Variants in RBM47 observed in about 807,000 individuals in gnomAD.
RBM47 encodes RNA-binding protein 47.
In RBM47, 21 loss-of-function variants were observed where a neutral mutation model predicts 47.1. The observed-to-expected ratio is 0.45, with a 90% CI of 0.32 to 0.64. The LOEUF is 0.64. Ranked by LOEUF, RBM47 falls within the 30% of genes least tolerant of loss-of-function variation. RBM47 has a pLI of 0.05. For missense variants in RBM47, 708 were observed against 870.9 expected, an observed-to-expected ratio of 0.81 and a Z score of 2.35; for synonymous variants, 375 against 361.7, an observed-to-expected ratio of 1.04 and a Z score of -0.42.
At chr4:40,604,455 T>A (rs1484124684) in intron 1 of RBM47, among the ~76,000 whole-genome samples, 1 of 152,042 alleles carries the variant, frequency 6.6e-6, no homozygotes, top group Non-Finnish European at 1.5e-5. Flanking sequence ...CAAAACTCCA[T>A]GTCTAAAAAA....
intron 2 of RBM47, 80 bp from the exon 3 acceptor site, chr4:40,466,779 G>GT (rs1447793534): frequency 9.0e-6 from 1 of 110,654 alleles, no homozygotes; most frequent in South Asian, 4.1e-4. Flanking sequence ...ATTGGGGGGG[G>GT]GGGGGCAGAT....
intron 2 of RBM47, among the ~76,000 whole-genome samples, chr4:40,530,458 G>A (rs1466828141): frequency 3.3e-5 from 5 of 151,752 alleles, no homozygotes; most frequent in Non-Finnish European, 5.9e-5. Flanking sequence ...ACACGCCATC[G>A]CACCCAGCTA....
intron 2 of RBM47, among the ~76,000 whole-genome samples, chr4:40,529,872 A>AAG (rs1560448479): frequency 6.1e-5 from 9 of 146,732 alleles, no homozygotes; most frequent in African/African-American, 2.0e-4. Context: ...AAATAAATAA[A>AAG]TAAATATTAA....
chr4:40,539,956 T>G (rs543119190), intron 2 of RBM47, among the ~76,000 whole-genome samples: 3 of 152,250 alleles, frequency 2.0e-5, no homozygotes, highest in East Asian at 1.9e-4. Context: ...TTTCAACTTG[T>G]GAGTTAAATA....
At chr4:40,606,424 A>G (rs1477790246) in intron 1 of RBM47, among the ~76,000 whole-genome samples, 1 of 152,180 alleles carries the variant, frequency 6.6e-6, no homozygotes, top group Non-Finnish European at 1.5e-5. Context: ...TGACATGGTC[A>G]GATCTGTCTT....
At chr4:40,459,416 G>C (rs1716761654) in intron 3 of RBM47, among the ~76,000 whole-genome samples, 1 of 152,028 alleles carries the variant, frequency 6.6e-6, no homozygotes, top group South Asian at 2.1e-4. Context: ...AGTTTTGTGG[G>C]AGAGCCGTGC....
At chr4:40,432,510 T>A in intron 6 of RBM47, 141 bp downstream of exon 6, 4 of 1,431,608 alleles carry the variant, frequency 2.8e-6, no homozygotes, top group Non-Finnish European at 3.8e-6. Context: ...ATGCTTCAAA[T>A]TCAAAATGCT....
At chr4:40,430,283 G>C (rs28624793) in intron 6 of RBM47, among the ~76,000 whole-genome samples, 1,800 of 152,232 alleles carry the variant, frequency 0.012, 28 homozygotes, top group African/African-American at 0.041. Context: ...AGCCAGTGCG[G>C]ACTGATAGGA....
chr4:40,501,805 T>A (rs1251084204), intron 2 of RBM47, among the ~76,000 whole-genome samples: 1 of 152,194 alleles, frequency 6.6e-6, no homozygotes, highest in Non-Finnish European at 1.5e-5. Context: ...TCCAATACAC[T>A]TTAATACACT....
intron 1 of RBM47, among the ~76,000 whole-genome samples, chr4:40,556,457 C>T (rs1037601309): frequency 6.6e-6 from 1 of 152,066 alleles, no homozygotes; most frequent in African/African-American, 2.4e-5. Flanking sequence ...AGGAGGATCA[C>T]GATCACACCA....
chr4:40,610,329 G>A (rs1057419868), intron 1 of RBM47, among the ~76,000 whole-genome samples: 1 of 151,334 alleles, frequency 6.6e-6, no homozygotes, highest in African/African-American at 2.4e-5. Context: ...TGTTTAGAAC[G>A]GGACCAAGCA....
chr4:40,473,385 A>G (rs1719187530), intron 2 of RBM47, among the ~76,000 whole-genome samples: 1 of 152,258 alleles, frequency 6.6e-6, no homozygotes, highest in African/African-American at 2.4e-5. Context: ...CCAATCTGGA[A>G]GAGTAGAAAA....
intron 3 of RBM47, chr4:40,455,426 A>G (rs1390462826): frequency 6.6e-6 from 1 of 152,150 alleles, no homozygotes; most frequent in Admixed American, 6.5e-5. Context: ...ACCATCTATA[A>G]AATGGTGATA....
At chr4:40,571,741 T>G (rs10020963) in intron 1 of RBM47, among the ~76,000 whole-genome samples, 16 of 151,520 alleles carry the variant, frequency 1.1e-4, no homozygotes, top group Non-Finnish European at 7.4e-5. Context: ...CTTATCTGGC[T>G]GGACACGGTG....
intron 1 of RBM47, among the ~76,000 whole-genome samples, chr4:40,590,111 G>A (rs959831438): frequency 7.9e-5 from 12 of 152,188 alleles, no homozygotes; most frequent in Non-Finnish European, 1.5e-4. Context: ...GCTGAGAGTT[G>A]CCAGATCGGG....
At chr4:40,600,284 G>A (rs549889795) in intron 1 of RBM47, among the ~76,000 whole-genome samples, 22 of 151,810 alleles carry the variant, frequency 1.4e-4, no homozygotes, top group African/African-American at 3.9e-4. Context: ...AAGTGTTGGC[G>A]TTACAGGTAT....
At chr4:40,508,063 T>C (rs373300597) in intron 2 of RBM47, among the ~76,000 whole-genome samples, 4 of 152,160 alleles carry the variant, frequency 2.6e-5, no homozygotes, top group African/African-American at 9.6e-5. Flanking sequence ...CGAAATCCCA[T>C]CTCAAAAAGA....
chr4:40,425,964 A>G lies in RBM47; in HGVS notation c.1722T>C (p.Pro574=), dbSNP rs773805991. The change falls in exon 7 of 7, where the codon CCT becomes CCC. Residue 574 remains proline (P), a synonymous_variant. Transcript: ENST00000295971. ...AMYGGYAGYI[P]QAFPAAAIQV... ...GAATGGCAGCAGCAGGGAAGGCCTG[A>G]GGTATGTAGCCTGCGTATCCTCCAT... 6 of 1,614,172 alleles carry G rather than the reference A, an allele frequency of 3.7e-6. No individual in the cohort carries two copies. The highest frequency in any genetic ancestry group is 1.7e-5 in the Admixed American group (1 of 60,016).
At chr4:40,562,159 A>C (rs975383111) in intron 1 of RBM47, among the ~76,000 whole-genome samples, 8 of 152,230 alleles carry the variant, frequency 5.3e-5, no homozygotes, top group Admixed American at 2.0e-4. Context: ...GTTAACAGAA[A>C]GAGACCACCT....
Sources: allele counts gnomAD v4.1 joint callset (sites outside exome capture counted in the v4.1 genomes callset), GRCh38; gene constraint gnomAD v4.1.1; transcripts MANE v1.5; gene names NCBI Gene and HGNC (gene_info 2026-07-23, HGNC 2026-07-21).